SHISA6: variants seen among roughly 807,000 people sequenced by gnomAD.
SHISA6 encodes the protein protein shisa-6.
SHISA6 carries 22 observed loss-of-function variants against 47.9 expected under a neutral mutation model. That is an observed-to-expected ratio of 0.46 (90% CI 0.33 to 0.66). The LOEUF is 0.66. Ranked by LOEUF, SHISA6 falls within the 30% of genes least tolerant of loss-of-function variation. The pLI, the probability that SHISA6 is intolerant of heterozygous loss-of-function variation, is 0.02. For synonymous variants in SHISA6, 388 were observed against 337.8 expected (o/e 1.15, Z -1.63); for missense variants, 680 against 764.6 (o/e 0.89, Z 1.30).
intron 3 of SHISA6, among the ~76,000 whole-genome samples, chr17:11,521,954 A>T (rs985263147): frequency 2.6e-5 from 4 of 151,144 alleles, no homozygotes; most frequent in Admixed American, 2.0e-4. Context: ...TAAAATTATT[A>T]TTTTTATTTA....
intron 3 of SHISA6, among the ~76,000 whole-genome samples, chr17:11,457,753 A>AAAAAAC (rs1915581250): frequency 6.8e-6 from 1 of 147,498 alleles, no homozygotes. Flanking sequence ...AAAAAAAAAA[A>AAAAAAC]AAAGACAGAT....
At chr17:11,367,169 A>G (rs534863432) in intron 2 of SHISA6, among the ~76,000 whole-genome samples, 2 of 152,246 alleles carry the variant, frequency 1.3e-5, no homozygotes, top group South Asian at 4.1e-4. Flanking sequence ...GAATGGGGTG[A>G]AGGGAGAATA....
intron 1 of SHISA6, among the ~76,000 whole-genome samples, chr17:11,261,842 C>G (rs1382960449): frequency 1.3e-5 from 2 of 152,116 alleles, no homozygotes; most frequent in African/African-American, 4.8e-5. Context: ...TTTGCTGGGC[C>G]ATATGTTAAT....
intron 2 of SHISA6, among the ~76,000 whole-genome samples, chr17:11,295,877 C>T (rs996227055): frequency 4.0e-5 from 6 of 149,414 alleles, no homozygotes; most frequent in Admixed American, 1.4e-4. Context: ...GCAGGAGAAT[C>T]GCTTGAACCC....
At chr17:11,279,491 A>G (rs1209950725) in intron 2 of SHISA6, among the ~76,000 whole-genome samples, 1 of 152,010 alleles carries the variant, frequency 6.6e-6, no homozygotes, top group Admixed American at 6.6e-5. Flanking sequence ...TTTCCTCCAT[A>G]GTTTTCAGGA....
intron 1 of SHISA6, among the ~76,000 whole-genome samples, chr17:11,253,005 T>C (rs969330494): frequency 5.3e-5 from 8 of 152,364 alleles, no homozygotes; most frequent in African/African-American, 7.2e-5. Context: ...GCCAGCTTCT[T>C]ACCCAGCCTC....
intron 2 of SHISA6, among the ~76,000 whole-genome samples, chr17:11,328,645 A>C (rs1278685371): frequency 6.6e-6 from 1 of 152,254 alleles, no homozygotes; most frequent in African/African-American, 2.4e-5. Context: ...CAAATATCCC[A>C]ACAAAAACTA....
chr17:11,477,768 C>T (rs1218041285), intron 3 of SHISA6, among the ~76,000 whole-genome samples: 5 of 150,770 alleles, frequency 3.3e-5, no homozygotes, highest in Non-Finnish European at 7.4e-5. Context: ...TTTATGGCTG[C>T]ATAGTATTCC....
intron 3 of SHISA6, among the ~76,000 whole-genome samples, chr17:11,499,989 A>G (rs1172934175): frequency 1.3e-5 from 2 of 152,192 alleles, no homozygotes; most frequent in Non-Finnish European, 2.9e-5. Context: ...GGTATGAGCC[A>G]TCGTGCCTGG....
chr17:11,470,248 A>G lies in SHISA6; in HGVS notation c.896-81648A>G, dbSNP rs143449493. Among the ~76,000 whole-genome samples, 70 of 152,310 alleles carry G rather than the reference A, an allele frequency of 4.6e-4. 1 individual carries two copies. In the East Asian group the frequency reaches 0.012, roughly 26 times the overall value. On this transcript the variant is annotated intron_variant, in intron 3 of 5. Coordinates refer to ENST00000441885, the MANE Select transcript of SHISA6 (RefSeq NM_207386.4). ...TCATCCCAGGTCTGTCAAGGTTCCA[A>G]CTTAGAGCAAAGCCTCTACTGCCCT...
At chr17:11,512,280 G>A (rs934257659) in intron 3 of SHISA6, among the ~76,000 whole-genome samples, 2 of 152,044 alleles carry the variant, frequency 1.3e-5, no homozygotes, top group African/African-American at 4.8e-5. Flanking sequence ...TTCCTTTCAG[G>A]AAAATGAAAA....
chr17:11,492,266 T>G (rs2142339283), intron 3 of SHISA6, among the ~76,000 whole-genome samples: 1 of 152,280 alleles, frequency 6.6e-6, no homozygotes, highest in Non-Finnish European at 1.5e-5. Flanking sequence ...ATTCAGCCTC[T>G]TAGTGTTCAA....
chr17:11,301,003 A>C (rs534692351), intron 2 of SHISA6, among the ~76,000 whole-genome samples: 28 of 152,248 alleles, frequency 1.8e-4, no homozygotes, highest in African/African-American at 6.5e-4. Flanking sequence ...AGTCAAGGGA[A>C]ACACGTTTAA....
At chr17:11,344,451 A>G (rs1427837244) in intron 2 of SHISA6, among the ~76,000 whole-genome samples, 1 of 152,084 alleles carries the variant, frequency 6.6e-6, no homozygotes, top group African/African-American at 2.4e-5. Context: ...AAGAGTTTAT[A>G]TTTTTAGCTT....
intron 3 of SHISA6, among the ~76,000 whole-genome samples, chr17:11,419,734 T>C (rs1034098448): frequency 1.3e-5 from 2 of 152,184 alleles, no homozygotes; most frequent in African/African-American, 2.4e-5. Flanking sequence ...TACAGAATAA[T>C]AGAAGTGACA....
chr17:11,436,162 T>C (rs905931559), intron 3 of SHISA6, among the ~76,000 whole-genome samples: 11 of 152,168 alleles, frequency 7.2e-5, no homozygotes. Context: ...TTTCTTTCTC[T>C]GTCTCTCCCT....
chr17:11,252,923 TGTCCCATA>T, intron 1 of SHISA6, among the ~76,000 whole-genome samples: 1 of 152,308 alleles, frequency 6.6e-6, no homozygotes, highest in Non-Finnish European at 1.5e-5. Context: ...CCAGGAATGG[TGTCCCATA>T]GTCTTGGGAG....
chr17:11,360,925 TGTTTTTCTC>T (rs1364235091), intron 2 of SHISA6, among the ~76,000 whole-genome samples: 1 of 151,788 alleles, frequency 6.6e-6, no homozygotes, highest in African/African-American at 2.4e-5. Context: ...AGGTCACTCT[TGTTTTTCTC>T]AAACAGAACA....
intron 2 of SHISA6, among the ~76,000 whole-genome samples, chr17:11,369,673 G>C (rs923064265): frequency 3.9e-5 from 6 of 152,168 alleles, no homozygotes; most frequent in African/African-American, 1.4e-4. Context: ...CCTCCCTGCA[G>C]AGCACCACAT....
Sources: gnomAD v4.1 joint callset for allele counts (sites outside exome capture counted in the v4.1 genomes callset) on GRCh38, gnomAD v4.1.1 for gene constraint, MANE v1.5 for transcripts, NCBI Gene and HGNC (gene_info 2026-07-23, HGNC 2026-07-21) for gene names.